Variants in DNM3 observed in about 807,000 individuals in gnomAD.
The protein encoded by DNM3 is dynamin-3.
DNM3 carries 47 observed loss-of-function variants against 101.6 expected under a neutral mutation model. The ratio of observed to expected loss-of-function variants is 0.46; its 90% CI spans 0.37 to 0.59. The LOEUF (loss-of-function observed/expected upper bound fraction) is 0.59, where lower values mean the gene tolerates loss of function less well. Ranked by LOEUF, DNM3 falls within the 20% of genes least tolerant of loss-of-function variation. The probability of loss-of-function intolerance (pLI) is 0.00; values close to 1 mark genes in which losing one functional copy is unlikely to be tolerated. For missense variants in DNM3, 849 were observed against 1,085.7 expected, an observed-to-expected ratio of 0.78 and a Z score of 3.06; for synonymous variants, 385 against 387.9, an observed-to-expected ratio of 0.99 and a Z score of 0.09.
Position 172,409,920 on chromosome 1 carries a change from G to C in DNM3, c.*2079G>C, listed in dbSNP as rs1045359157. The stretch of plus-strand genomic sequence containing the variant: ...TAACCACTGGTGTGTTCTTAGATCA[G>C]CACAAACCATGTCAAAAAAAATTGG... On this transcript the variant is annotated 3_prime_UTR_variant, in exon 21 of 21. Transcript: ENST00000627582. The C allele has an allele frequency of 7.1e-6, 7 of 985,548 alleles. No individual in the cohort carries two copies. Among genetic ancestry groups the C allele is most frequent in the African/African-American group, 7.0e-5 (4 of 57,188 alleles). 61.1% of individuals were successfully genotyped at this position (985,548 alleles called of 1,614,324 possible). A position where few individuals can be genotyped will look rare whatever the true frequency, so the allele number is the denominator to read the frequency against.
At chr1:172,081,102 A>G (rs1348188541) in intron 11 of DNM3, among the ~76,000 whole-genome samples, 1 of 152,026 alleles carries the variant, frequency 6.6e-6, no homozygotes, top group Non-Finnish European at 1.5e-5. Flanking sequence ...TATTATTATT[A>G]AGAGATGGGG....
chr1:172,083,172 A>G (rs1318625936), intron 12 of DNM3, among the ~76,000 whole-genome samples: 1 of 152,128 alleles, frequency 6.6e-6, no homozygotes. Context: ...CTAAACTGTA[A>G]CATACATCCT....
chr1:172,361,508 T>C (rs564843591), intron 17 of DNM3, among the ~76,000 whole-genome samples: 2 of 152,126 alleles, frequency 1.3e-5, no homozygotes, highest in Admixed American at 1.3e-4. Context: ...CCCAGACTTA[T>C]ATCTCTTTAC....
chr1:172,202,154 T>C (rs777176194), intron 14 of DNM3, among the ~76,000 whole-genome samples: 12 of 152,210 alleles, frequency 7.9e-5, no homozygotes, highest in African/African-American at 2.9e-4. Context: ...ATGAGAGGCA[T>C]GCACACTAGC....
At chr1:172,055,353 A>G in intron 10 of DNM3, among the ~76,000 whole-genome samples, 1 of 152,124 alleles carries the variant, frequency 6.6e-6, no homozygotes, top group East Asian at 1.9e-4. Context: ...TGCTATTCAA[A>G]TGCCCCATAA....
Position 171,930,029 on chromosome 1 carries a change from G to A in DNM3, c.235+8208G>A, listed in dbSNP as rs74699535. Among the ~76,000 whole-genome samples, 1,230 of 152,168 alleles carry A rather than the reference G, an allele frequency of 8.1e-3. 16 individuals carry two copies. The highest frequency in any genetic ancestry group is 0.027 in the African/African-American group (1,131 of 41,508). On this transcript the variant is annotated intron_variant, in intron 2 of 20. Transcript: ENST00000627582. ...TGTGGGCTGGAGAATACAGGTGTGG[G>A]TGTCTGCAGGCTCTGGTTGAAAGGT... is the stretch of plus-strand genomic sequence containing the variant.
At chr1:171,850,370 C>T (rs1357692833) in intron 1 of DNM3, among the ~76,000 whole-genome samples, 2 of 152,094 alleles carry the variant, frequency 1.3e-5, no homozygotes, top group East Asian at 1.9e-4. Flanking sequence ...ACTAGATATA[C>T]CTCAGAAGCT....
At chr1:171,925,282 C>T (rs1284896850) in intron 2 of DNM3, among the ~76,000 whole-genome samples, 1 of 151,382 alleles carries the variant, frequency 6.6e-6, no homozygotes, top group African/African-American at 2.4e-5. Flanking sequence ...GGCTGGAGTG[C>T]AGTGGTGCGA....
intron 15 of DNM3, among the ~76,000 whole-genome samples, chr1:172,257,356 A>G (rs949305935): frequency 6.6e-6 from 1 of 152,150 alleles, no homozygotes; most frequent in Non-Finnish European, 1.5e-5. Context: ...TCACATGAGC[A>G]TTAAAAAGGT....
chr1:172,293,662 A>G (rs1200332508), intron 15 of DNM3, among the ~76,000 whole-genome samples: 1 of 152,048 alleles, frequency 6.6e-6, no homozygotes, highest in Non-Finnish European at 1.5e-5. Flanking sequence ...CCTGTATCCA[A>G]CTCTCCTTGG....
chr1:172,038,877 A>G (rs960497972), intron 7 of DNM3, among the ~76,000 whole-genome samples: 12 of 150,344 alleles, frequency 8.0e-5, no homozygotes, highest in Middle Eastern at 3.5e-3. Context: ...ATTTGTGTGC[A>G]TTTTTCAGTG....
intron 1 of DNM3, among the ~76,000 whole-genome samples, chr1:171,904,687 G>A (rs908969460): frequency 6.6e-6 from 1 of 152,136 alleles, no homozygotes; most frequent in African/African-American, 2.4e-5. Context: ...GTTGAAGCTG[G>A]TGCTTTACTG....
chr1:172,258,873 T>C (rs758176571), intron 15 of DNM3, among the ~76,000 whole-genome samples: 1 of 152,060 alleles, frequency 6.6e-6, no homozygotes, highest in African/African-American at 2.4e-5. Context: ...TTTCTTTTGA[T>C]GTAGGCAATT....
intron 4 of DNM3, among the ~76,000 whole-genome samples, chr1:172,014,655 G>A (rs1050254206): frequency 3.9e-5 from 6 of 152,106 alleles, no homozygotes; most frequent in Admixed American, 2.0e-4. Flanking sequence ...TTCTTGTTGA[G>A]TTTTAAGAGT....
chr1:171,944,381 ATTTG>A (rs1187085809), intron 2 of DNM3, among the ~76,000 whole-genome samples: 5 of 140,732 alleles, frequency 3.6e-5, no homozygotes, highest in African/African-American at 1.1e-4. Flanking sequence ...TTATTTATTT[ATTTG>A]TTTATTTATA....
At chr1:172,052,127 G>C (rs2050247595) in intron 10 of DNM3, among the ~76,000 whole-genome samples, 1 of 152,068 alleles carries the variant, frequency 6.6e-6, no homozygotes, top group Admixed American at 6.6e-5. Context: ...TTCAATGAAG[G>C]TTTCGCAGAA....
intron 14 of DNM3, among the ~76,000 whole-genome samples, chr1:172,220,172 C>T (rs949829108): frequency 3.3e-5 from 5 of 152,168 alleles, no homozygotes; most frequent in Non-Finnish European, 5.9e-5. Context: ...GGGTTGTTTG[C>T]TTCCATACCC....
At chr1:171,851,594 A>G (rs1048612970) in intron 1 of DNM3, among the ~76,000 whole-genome samples, 1 of 152,166 alleles carries the variant, frequency 6.6e-6, no homozygotes, top group African/African-American at 2.4e-5. Context: ...TCATATTTTT[A>G]GTAGAGACGG....
intron 1 of DNM3, among the ~76,000 whole-genome samples, chr1:171,919,297 C>A (rs2039968427): frequency 6.6e-6 from 1 of 152,158 alleles, no homozygotes. Context: ...CTAATGCTGT[C>A]CCTCTCCTGG....
Sources: gnomAD v4.1 joint callset for allele counts (sites outside exome capture counted in the v4.1 genomes callset) on GRCh38, gnomAD v4.1.1 for gene constraint, MANE v1.5 for transcripts, NCBI Gene and HGNC (gene_info 2026-07-23, HGNC 2026-07-21) for gene names.